TENM4: variants seen among roughly 807,000 people sequenced by gnomAD.
TENM4 encodes the protein teneurin transmembrane protein 4.
Under a neutral mutation model 243.3 loss-of-function variants are expected in TENM4, and 82 were observed. That is an observed-to-expected ratio of 0.34 (90% CI 0.28 to 0.40). The LOEUF is 0.40. Among genes scored for constraint, TENM4 ranks in the 10% least tolerant of loss-of-function variants. The probability of loss-of-function intolerance (pLI) is 1.00; values close to 1 mark genes in which losing one functional copy is unlikely to be tolerated. For missense variants in TENM4, 3,138 were observed against 3,673.3 expected (o/e 0.85, Z 3.77); for synonymous variants, 1,412 against 1,456.3 (o/e 0.97, Z 0.69).
At chr11:79,035,490 T>A (rs1859353471) in intron 6 of TENM4, among the ~76,000 whole-genome samples, 1 of 149,692 alleles carries the variant, frequency 6.7e-6, no homozygotes, top group South Asian at 2.1e-4. Flanking sequence ...ATTTTTCTCA[T>A]CACACAAGGG....
chr11:79,284,206 A>T (rs1298335847), intron 2 of TENM4, among the ~76,000 whole-genome samples: 3 of 152,196 alleles, frequency 2.0e-5, no homozygotes, highest in Non-Finnish European at 4.4e-5. Context: ...TTACTAGTGT[A>T]TCCTGAACTT....
chr11:79,040,469 A>G (rs1433332898), intron 6 of TENM4, among the ~76,000 whole-genome samples: 2 of 152,126 alleles, frequency 1.3e-5, no homozygotes, highest in Non-Finnish European at 2.9e-5. Context: ...CACACTCTGG[A>G]TTCAGTCCCA....
chr11:78,669,154 C>T lies in TENM4; in HGVS notation c.7191G>A (p.Gln2397=), dbSNP rs61745709. Residue 2397 remains glutamine (Q), a synonymous_variant, in exon 32 of 34, where the codon CAG becomes CAA. Coordinates refer to ENST00000278550, the MANE Select transcript of TENM4 (RefSeq NM_001098816.3). The surrounding 1 kb of genome is among the most constrained non-coding windows in gnomAD (Gnocchi z 6.4). ...EIYMDTNPNF[Q]IIIGYHGGLY... is the part of the protein sequence containing the mutation. ...GGCCACCATGGTAGCCTATGATGAT[C>T]TGAAAGTTGGGGTTGGTATCCATGT... The T allele has an allele frequency of 0.055, 89,255 of 1,613,660 alleles. 2,905 individuals are homozygous for T. Among genetic ancestry groups the T allele is most frequent in the Non-Finnish European group, 0.067 (78,963 of 1,179,728 alleles).
intron 1 of TENM4, among the ~76,000 whole-genome samples, chr11:79,353,468 G>A (rs915410094): frequency 3.9e-5 from 6 of 151,998 alleles, no homozygotes; most frequent in African/African-American, 1.2e-4. Context: ...AATAGTTTTC[G>A]CCTTGAACCT....
chr11:78,669,382 G>C lies in TENM4; in HGVS notation c.6963C>G (p.Thr2321=). The change falls in exon 32 of 34, where the codon ACC becomes ACG. Residue 2321 remains threonine, a synonymous_variant. Coordinates refer to ENST00000278550, the MANE Select transcript of TENM4 (RefSeq NM_001098816.3). This position sits in a 1 kb window ranked among gnomAD's most constrained non-coding sequence, Gnocchi z 6.4. The part of the protein sequence containing the change: ...QFFYADLTNP[T]KVTHLYNHSS... ...AGTGGTTGTACAGGTGGGTGACCTT[G>C]GTGGGGTTGGTCAGGTCTGCATAGA... The C allele has an allele frequency of 6.2e-7, 1 of 1,613,740 alleles. No individual in the cohort carries two copies. The highest frequency in any genetic ancestry group is 8.5e-7 in the Non-Finnish European group (1 of 1,179,750).
chr11:78,689,079 T>C lies in TENM4; in HGVS notation c.5088-853A>G, dbSNP rs775074676. On this transcript the variant is annotated intron_variant, in intron 28 of 33. Coordinates refer to ENST00000278550, the MANE Select transcript of TENM4 (RefSeq NM_001098816.3). ...TCATTTAATCCTTGTCTAAAAGGTA[T>C]GTATTATCTCTTTTTTGGAGAATCA... Among the ~76,000 whole-genome samples the C allele has an allele frequency of 3.3e-5, 5 of 152,340 alleles. No individual in the cohort carries two copies. The South Asian group carries it at 8.3e-4, about 25-fold the overall frequency.
chr11:78,923,023 T>G (rs1856478364), intron 6 of TENM4, among the ~76,000 whole-genome samples: 1 of 152,142 alleles, frequency 6.6e-6, no homozygotes, highest in Non-Finnish European at 1.5e-5. Flanking sequence ...TGCCAGGTAT[T>G]GAATCAAGCA....
chr11:79,138,831 C>T lies in TENM4; in HGVS notation c.-66+9879G>A, dbSNP rs868222063. On this transcript the variant is annotated intron_variant, in intron 4 of 33. Coordinates refer to ENST00000278550, the MANE Select transcript of TENM4 (RefSeq NM_001098816.3). ...TACATATTTATATAAATATACAAAA[C>T]ATACATTATATTTATATAAATATAC... 5.3e-4 allele frequency among the ~76,000 whole-genome samples: 38 copies of T among 72,182 alleles called. 3 individuals carry two copies. The highest frequency in any genetic ancestry group is 1.7e-3 in the African/African-American group (22 of 12,762). 47.4% of individuals were successfully genotyped at this position (72,182 alleles called of 152,430 possible).
chr11:78,822,996 C>G (rs1857768073), intron 12 of TENM4, among the ~76,000 whole-genome samples: 1 of 152,200 alleles, frequency 6.6e-6, no homozygotes, highest in South Asian at 2.1e-4. Context: ...CCGAGGTTAG[C>G]CTCCTTCCTG....
chr11:79,136,171 C>T (rs1369271638), intron 4 of TENM4, among the ~76,000 whole-genome samples: 2 of 151,946 alleles, frequency 1.3e-5, no homozygotes, highest in Non-Finnish European at 1.5e-5. Flanking sequence ...TAGCTGTACC[C>T]CAATAACTTA....
chr11:78,787,227 C>G (rs1449271330), intron 15 of TENM4, 144 bp from the exon 16 acceptor site: 1 of 965,452 alleles, frequency 1.0e-6, no homozygotes, highest in Non-Finnish European at 1.5e-6. Context: ...GGCTACATAC[C>G]TGGGCTTCTG....
At chr11:79,019,659 C>T (rs1034431108) in intron 6 of TENM4, among the ~76,000 whole-genome samples, 1 of 152,158 alleles carries the variant, frequency 6.6e-6, no homozygotes, top group Admixed American at 6.5e-5. Flanking sequence ...GTGTTCTATA[C>T]CATGTACAGG....
At chr11:78,807,776 G>A (rs1001452140) in intron 14 of TENM4, among the ~76,000 whole-genome samples, 2 of 152,156 alleles carry the variant, frequency 1.3e-5, no homozygotes, top group African/African-American at 2.4e-5. Flanking sequence ...AACTCACTAG[G>A]GAGCCCTATG....
intron 10 of TENM4, among the ~76,000 whole-genome samples, chr11:78,862,575 C>T (rs142843812): frequency 7.2e-4 from 110 of 152,198 alleles, no homozygotes; most frequent in African/African-American, 2.4e-3. Flanking sequence ...CATTACAACA[C>T]CCCATCTACC....
chr11:79,018,317 T>C (rs1858831744), intron 6 of TENM4, among the ~76,000 whole-genome samples: 1 of 152,152 alleles, frequency 6.6e-6, no homozygotes, highest in South Asian at 2.1e-4. Flanking sequence ...TACCCTAACC[T>C]GAGGTTCTCT....
At chr11:78,830,382 G>A (rs532829654) in intron 12 of TENM4, among the ~76,000 whole-genome samples, 17 of 152,326 alleles carry the variant, frequency 1.1e-4, no homozygotes, top group African/African-American at 4.1e-4. Context: ...GCACAAAGGA[G>A]AGGCCTCTGA....
intron 3 of TENM4, among the ~76,000 whole-genome samples, chr11:79,207,302 A>T (rs1863867151): frequency 6.6e-6 from 1 of 152,234 alleles, no homozygotes; most frequent in African/African-American, 2.4e-5. Flanking sequence ...TGTTGCCAAG[A>T]ATAATAATAT....
intron 3 of TENM4, among the ~76,000 whole-genome samples, chr11:79,169,922 C>G (rs1257897875): frequency 6.6e-6 from 1 of 152,154 alleles, no homozygotes; most frequent in African/African-American, 2.4e-5. Context: ...GGGACCCTGA[C>G]AGATTAATTT....
At chr11:79,017,584 G>GT (rs574172907) in intron 6 of TENM4, among the ~76,000 whole-genome samples, 287 of 152,324 alleles carry the variant, frequency 1.9e-3, no homozygotes, top group African/African-American at 6.1e-3. Context: ...GTTGGGAATG[G>GT]TGGGGGGAGA....
Sources: allele counts gnomAD v4.1 joint callset (sites outside exome capture counted in the v4.1 genomes callset), GRCh38; gene constraint gnomAD v4.1.1; non-coding constraint Gnocchi (gnomAD v3.1); transcripts MANE v1.5; gene names NCBI Gene and HGNC (gene_info 2026-07-23, HGNC 2026-07-21).